OSBPL9: variants seen among roughly 807,000 people sequenced by gnomAD.
OSBPL9 encodes oxysterol binding protein like 9, also known as oxysterol-binding protein-related protein 9.
Under a neutral mutation model 106.6 loss-of-function variants are expected in OSBPL9, and 40 were observed. The observed-to-expected ratio is 0.38, with a 90% CI of 0.29 to 0.49. The LOEUF (loss-of-function observed/expected upper bound fraction) is 0.49. OSBPL9 is among the 20% of genes least tolerant of loss of function. OSBPL9 has a pLI of 0.97. For synonymous variants in OSBPL9, 269 were observed against 295.4 expected (o/e 0.91, Z 0.92); for missense variants, 609 against 887.2 (o/e 0.69, Z 3.98).
intron 11 of OSBPL9, among the ~76,000 whole-genome samples, chr1:51,764,498 A>G (rs1159651169): frequency 6.6e-6 from 1 of 152,028 alleles, no homozygotes; most frequent in Non-Finnish European, 1.5e-5. Context: ...TGATGACTAA[A>G]TGTGGCAAAC....
At chr1:51,557,635 C>T in the OSBPL9 span, among the ~76,000 whole-genome samples, 1 of 152,188 alleles carries the variant, frequency 6.6e-6, no homozygotes, top group African/African-American at 2.4e-5. Flanking sequence ...TGTGCTATCC[C>T]ACTTGAGTAA....
upstream of OSBPL9, among the ~76,000 whole-genome samples, chr1:51,576,283 G>A (rs997165672): frequency 1.3e-5 from 2 of 152,150 alleles, no homozygotes; most frequent in Admixed American, 6.5e-5. Context: ...CCCTCCTGAG[G>A]GAGGGGCCTC....
chr1:51,615,644 C>G (rs1406012854), upstream of OSBPL9, among the ~76,000 whole-genome samples: 1 of 152,120 alleles, frequency 6.6e-6, no homozygotes, highest in African/African-American at 2.4e-5. Context: ...CAAAGAAAGC[C>G]CTTCCCTTGA....
intron 6 of OSBPL9, 25 bp downstream of exon 6, chr1:51,746,782 A>C: frequency 6.3e-7 from 1 of 1,581,784 alleles, no homozygotes; most frequent in Non-Finnish European, 8.6e-7. Context: ...CGTGCTTTTG[A>C]CGTTAAAAAT....
intron 16 of OSBPL9, among the ~76,000 whole-genome samples, chr1:51,782,094 A>G (rs952284636): frequency 4.6e-5 from 7 of 152,146 alleles, no homozygotes; most frequent in Non-Finnish European, 5.9e-5. Flanking sequence ...GGCTCCAACA[A>G]ATTTAGTGGT....
At chr1:51,699,195 A>C (rs1656710609) in intron 3 of OSBPL9, among the ~76,000 whole-genome samples, 1 of 152,184 alleles carries the variant, frequency 6.6e-6, no homozygotes, top group South Asian at 2.1e-4. Context: ...GAAGTAGCAA[A>C]GCTACATGTA....
At chr1:51,711,519 C>T (rs1659909191) in intron 3 of OSBPL9, among the ~76,000 whole-genome samples, 1 of 135,026 alleles carries the variant, frequency 7.4e-6, no homozygotes, top group South Asian at 2.4e-4. Context: ...GGGCTGACCC[C>T]CCACCTCCCT....
At chr1:51,622,355 A>T (rs935368961) in intron 1 of OSBPL9, among the ~76,000 whole-genome samples, 1 of 152,138 alleles carries the variant, frequency 6.6e-6, no homozygotes, top group African/African-American at 2.4e-5. Context: ...GAGTTGAGAG[A>T]GTGAGTAGAA....
the OSBPL9 span, among the ~76,000 whole-genome samples, chr1:51,552,661 G>A: frequency 6.6e-6 from 1 of 151,874 alleles, no homozygotes; most frequent in Non-Finnish European, 1.5e-5. Context: ...GGCTCATGCT[G>A]TTGCCCAGAT....
In OSBPL9 at chr1:51,729,772, G is replaced by A. The variant is rs1663887519; in HGVS notation, c.318+15693G>A. 1 of 1,206,528 alleles carries A rather than the reference G, an allele frequency of 8.3e-7. No homozygotes were observed. Among genetic ancestry groups the A allele is most frequent in the Non-Finnish European group, 1.0e-6 (1 of 959,218 alleles). The allele number at this position is 1,206,528 out of a possible 1,614,324, so 74.7% of individuals were successfully genotyped here. A position where few individuals can be genotyped will look rare whatever the true frequency, so the allele number is the denominator to read the frequency against. On this transcript the variant is annotated intron_variant, in intron 4 of 23. Transcript: ENST00000428468. The surrounding 1 kb of genome is among the most constrained non-coding windows in gnomAD (Gnocchi z 5.1). ...GAGCCGCCAGGGCCAGCCAATCGGG[G>A]CGACCCCTCCGCCGGGGAGGGGACG...
upstream of OSBPL9, among the ~76,000 whole-genome samples, chr1:51,574,480 G>A (rs535882661): frequency 2.6e-5 from 4 of 152,244 alleles, no homozygotes; most frequent in South Asian, 4.1e-4. Context: ...TTAGCCAGGC[G>A]CGGTGGCGGA....
intron 1 of OSBPL9, among the ~76,000 whole-genome samples, chr1:51,597,538 C>A (rs1645306679): frequency 6.8e-6 from 1 of 147,696 alleles, no homozygotes. Context: ...CAATATAATC[C>A]CACAGAAGAG....
chr1:51,686,924 C>A (rs932297774), intron 3 of OSBPL9, among the ~76,000 whole-genome samples: 1 of 152,150 alleles, frequency 6.6e-6, no homozygotes, highest in Non-Finnish European at 1.5e-5. Context: ...GTCCTGCTTT[C>A]CAAAGAAGAC....
At chr1:51,781,065 C>A in intron 15 of OSBPL9, 99 bp from the exon 16 acceptor site, 1 of 1,088,028 alleles carries the variant, frequency 9.2e-7, no homozygotes, top group Non-Finnish European at 1.3e-6. Context: ...GGTCCTCAGT[C>A]CTCTCAGCCT....
At chr1:51,695,728 T>C (rs912993393) in intron 3 of OSBPL9, among the ~76,000 whole-genome samples, 3 of 152,208 alleles carry the variant, frequency 2.0e-5, no homozygotes, top group African/African-American at 7.2e-5. Flanking sequence ...TACTAAACTT[T>C]TCTGTTTCCT....
rs373038480 is a variant in OSBPL9, at chr1:51,770,717, ATACT to A, written c.939-1350_939-1347del. 8.5e-5 allele frequency among the ~76,000 whole-genome samples: 13 copies of A among 152,378 alleles called. No individual in the cohort carries two copies. The East Asian group carries it at 1.3e-3, about 16-fold the overall frequency. ...ATACTACTAAATAATCAAAGAAGTA[ATACT>A]TAGTTACTCAAGAAATTTTGAAAAA... On this transcript the variant is annotated intron_variant, in intron 12 of 23. Coordinates refer to ENST00000428468, the MANE Select transcript of OSBPL9 (RefSeq NM_024586.6).
At chr1:51,676,737 G>A (rs1054919453) in intron 3 of OSBPL9, among the ~76,000 whole-genome samples, 1 of 151,068 alleles carries the variant, frequency 6.6e-6, no homozygotes, top group South Asian at 2.1e-4. Context: ...TAATTGGCTA[G>A]TTCAAACCAT....
intron 11 of OSBPL9, among the ~76,000 whole-genome samples, chr1:51,763,257 C>T (rs942067409): frequency 6.6e-6 from 1 of 152,172 alleles, no homozygotes; most frequent in Non-Finnish European, 1.5e-5. Flanking sequence ...CTGTCCACCT[C>T]CACCTCCCAA....
At chr1:51,639,873 G>A (rs1046145771) in intron 1 of OSBPL9, among the ~76,000 whole-genome samples, 1 of 133,830 alleles carries the variant, frequency 7.5e-6, no homozygotes, top group Admixed American at 8.4e-5. Flanking sequence ...GGTCCAGGCT[G>A]GAGTGCAGTG....
Sources: gnomAD v4.1 joint callset for allele counts (sites outside exome capture counted in the v4.1 genomes callset) on GRCh38, gnomAD v4.1.1 for gene constraint, Gnocchi (gnomAD v3.1) non-coding constraint, MANE v1.5 for transcripts, NCBI Gene and HGNC (gene_info 2026-07-23, HGNC 2026-07-21) for gene names.